The following ZDHHC21 variants were observed in gnomAD, a reference collection of about 807,000 sequenced individuals.
The protein encoded by ZDHHC21 is zDHHC palmitoyltransferase 21, also known as palmitoyltransferase ZDHHC21.
A neutral mutation model predicts 34.6 loss-of-function variants in ZDHHC21; 15 were observed. The ratio of observed to expected loss-of-function variants is 0.43; its 90% CI spans 0.29 to 0.67. The LOEUF (loss-of-function observed/expected upper bound fraction) is 0.67. Ranked by LOEUF, ZDHHC21 falls within the 30% of genes least tolerant of loss-of-function variation. The pLI is 0.14. For synonymous variants in ZDHHC21, 142 were observed against 101.8 expected, an observed-to-expected ratio of 1.40 and a Z score of -2.38; for missense variants, 344 against 327.7, an observed-to-expected ratio of 1.05 and a Z score of -0.38.
intron 5 of ZDHHC21, among the ~76,000 whole-genome samples, chr9:14,670,883 C>G (rs1020257065): frequency 6.6e-6 from 1 of 152,072 alleles, no homozygotes; most frequent in Non-Finnish European, 1.5e-5. Context: ...ACACACCCTA[C>G]ATATCTCTAA....
At chr9:14,664,892 T>C (rs917037781) in intron 5 of ZDHHC21, among the ~76,000 whole-genome samples, 2 of 151,112 alleles carry the variant, frequency 1.3e-5, no homozygotes, top group African/African-American at 2.4e-5. Context: ...ATCACAAAGA[T>C]GGGGAAAAAA....
chr9:14,619,020 A>C lies in ZDHHC21; in HGVS notation c.744T>G (p.Pro248=). 3.1e-6 allele frequency: 5 copies of C among 1,612,440 alleles called. No homozygotes were observed. Among genetic ancestry groups the C allele is most frequent in the Non-Finnish European group, 2.5e-6 (3 of 1,179,072 alleles). ...GTRWKILWFI[P]FRQRQPLRVP... Reference sequence around the variant, plus strand: ...CTCGCAGTGGTTGCCTCTGCCTGAAAGGAATGAACCACAGGATCTTCCAAC... The same window carrying C: ...CTCGCAGTGGTTGCCTCTGCCTGAACGGAATGAACCACAGGATCTTCCAAC... The change falls in exon 10 of 10, where the codon CCT becomes CCG. Residue 248 remains proline, a synonymous_variant. Transcript: ENST00000380916.
At chr9:14,638,151 G>C (rs1487689170) in intron 8 of ZDHHC21, among the ~76,000 whole-genome samples, 3 of 151,980 alleles carry the variant, frequency 2.0e-5, no homozygotes, top group African/African-American at 7.2e-5. Flanking sequence ...AACCAAAATA[G>C]CATAGTATCT....
At position 14,640,046 on chromosome 9, in the gene ZDHHC21, A is replaced by G. The variant is rs750533977; in HGVS notation, c.505-34T>C. On this transcript the variant is annotated intron_variant, in intron 7 of 9. Transcript: ENST00000380916. ...AAAAAGAAAGTCTTAAAAACCATTC[A>G]GAGTTGCTTACATTGCTTACAGTCG... 2.0e-5 allele frequency: 26 copies of G among 1,301,294 alleles called. No homozygotes were observed. In the East Asian group the frequency reaches 5.6e-4, roughly 28 times the overall value. 80.6% of individuals were successfully genotyped at this position (1,301,294 alleles called of 1,614,324 possible).
intron 2 of ZDHHC21, among the ~76,000 whole-genome samples, chr9:14,680,859 G>C (rs931764676): frequency 6.6e-6 from 1 of 152,118 alleles, no homozygotes; most frequent in African/African-American, 2.4e-5. Context: ...ATCTCATATG[G>C]TAAGGATACT....
chr9:14,666,477 C>T (rs1252512203), intron 5 of ZDHHC21, among the ~76,000 whole-genome samples: 1 of 99,038 alleles, frequency 1.0e-5, no homozygotes, highest in African/African-American at 3.3e-5. Flanking sequence ...AGGAATTGAA[C>T]TCAGCTCTGC....
Position 14,674,225 on chromosome 9 carries a change from T to G in ZDHHC21, c.116A>C (p.His39Pro). 6.4e-7 allele frequency: 1 copy of G among 1,568,214 alleles called. No individual in the cohort carries two copies. Among genetic ancestry groups the G allele is most frequent in the Non-Finnish European group, 8.6e-7 (1 of 1,161,142 alleles). Residue 39 changes from histidine (H) to proline (P), a missense_variant, in exon 4 of 10, where the codon CAC (histidine) becomes CCC (proline). By Grantham distance (77) the His-to-Pro change is moderately conservative (BLOSUM62 -2). Coordinates refer to ENST00000380916, the MANE Select transcript of ZDHHC21 (RefSeq NM_178566.6). ...VLIPKIVLFP[H>P]YEEGHIPGIL... ...GCCTGGAATATGTCCTTCTTCATAGTGAGGAAAGAGGACAATTTTGGGAAT... is the reference window on the plus strand; with the variant it reads ...GCCTGGAATATGTCCTTCTTCATAGGGAGGAAAGAGGACAATTTTGGGAAT...
At chr9:14,659,761 C>G (rs1023218722) in intron 6 of ZDHHC21, among the ~76,000 whole-genome samples, 1 of 152,160 alleles carries the variant, frequency 6.6e-6, no homozygotes, top group Non-Finnish European at 1.5e-5. Flanking sequence ...CAGACCTGAA[C>G]TGAAAAACCT....
intron 2 of ZDHHC21, among the ~76,000 whole-genome samples, chr9:14,682,409 T>G (rs745541413): frequency 6.6e-6 from 1 of 152,142 alleles, no homozygotes; most frequent in Non-Finnish European, 1.5e-5. Flanking sequence ...TGATGAAACA[T>G]ACTTTAAACC....
intron 7 of ZDHHC21, among the ~76,000 whole-genome samples, chr9:14,640,338 A>G (rs1041667050): frequency 6.6e-6 from 1 of 151,094 alleles, no homozygotes; most frequent in Non-Finnish European, 1.5e-5. Context: ...AAGAAAGAAA[A>G]GAAAAACCCA....
chr9:14,678,382 C>T, intron 3 of ZDHHC21, among the ~76,000 whole-genome samples: 1 of 151,818 alleles, frequency 6.6e-6, no homozygotes, highest in Non-Finnish European at 1.5e-5. Flanking sequence ...CAACACATGA[C>T]CGACAAGAGG....
chr9:14,679,592 C>G (rs950986456), intron 3 of ZDHHC21, among the ~76,000 whole-genome samples: 8 of 152,078 alleles, frequency 5.3e-5, no homozygotes, highest in Admixed American at 2.6e-4. Flanking sequence ...ATGTGTTCTT[C>G]TAAGTTTATC....
At chr9:14,640,127 T>C (rs111769263) in intron 7 of ZDHHC21, 115 bp from the exon 8 acceptor site, 7 of 546,638 alleles carry the variant, frequency 1.3e-5, no homozygotes, top group African/African-American at 3.8e-5. Context: ...TTAAAAGAAC[T>C]ACCTCTCCCT....
chr9:14,659,466 G>A (rs865874028), intron 6 of ZDHHC21, among the ~76,000 whole-genome samples: 55 of 152,200 alleles, frequency 3.6e-4, no homozygotes, highest in African/African-American at 1.2e-3. Flanking sequence ...CAATACAACA[G>A]TGAACCCTAA....
intron 6 of ZDHHC21, among the ~76,000 whole-genome samples, chr9:14,660,159 A>G (rs1479343068): frequency 1.3e-5 from 2 of 152,024 alleles, no homozygotes; most frequent in Middle Eastern, 3.2e-3. Context: ...TGAGGTTGGG[A>G]GTTTGAGACC....
Position 14,674,331 on chromosome 9 carries a change from G to A in ZDHHC21, c.10C>T (p.Arg4Trp), listed in dbSNP as rs763597625. 6.9e-6 allele frequency: 11 copies of A among 1,592,950 alleles called. No homozygotes were observed. The highest frequency in any genetic ancestry group is 3.5e-5 in the Admixed American group (2 of 56,388). The change falls in exon 4 of 10, where the codon CGG becomes TGG. Residue 4 changes from arginine to tryptophan, a missense_variant. By Grantham distance (101) the Arg-to-Trp change is moderately radical. Coordinates refer to ENST00000380916, the MANE Select transcript of ZDHHC21 (RefSeq NM_178566.6). MGLRIHFVVDPHGW... is the reference protein window; with the variant it reads MGLWIHFVVDPHGW... ...TGTGGGTCAACAACAAAGTGAATCC[G>A]GAGACCCATTTTGCAATCTTATAAC...
At position 14,611,642 on chromosome 9, in the gene ZDHHC21, T is replaced by A. The variant is rs1419299742; in HGVS notation, c.*7324A>T. On this transcript the variant is annotated 3_prime_UTR_variant, in exon 10 of 10. Coordinates refer to ENST00000380916, the MANE Select transcript of ZDHHC21 (RefSeq NM_178566.6). ...GACAGAACTTGGGGTTCACACATAATTTTAGGAGCCTCAAGAATAACATAG... is the reference window on the plus strand; with the variant it reads ...GACAGAACTTGGGGTTCACACATAAATTTAGGAGCCTCAAGAATAACATAG... The A allele has an allele frequency of 6.6e-6, 1 of 151,954 alleles. No homozygotes were observed. The highest frequency in any genetic ancestry group is 6.6e-5 in the Admixed American group (1 of 15,222). 9.4% of individuals were successfully genotyped at this position (151,954 alleles called of 1,614,324 possible). A position where few individuals can be genotyped will look rare whatever the true frequency, so the allele number is the denominator to read the frequency against.
chr9:14,664,931 T>C (rs367598902), intron 5 of ZDHHC21, among the ~76,000 whole-genome samples: 8 of 151,006 alleles, frequency 5.3e-5, no homozygotes, highest in African/African-American at 2.0e-4. Flanking sequence ...AACTCTAAAA[T>C]GCAGAGCGTC....
chr9:14,684,230 G>T (rs1393184970), intron 2 of ZDHHC21, among the ~76,000 whole-genome samples: 5 of 151,084 alleles, frequency 3.3e-5, no homozygotes, highest in Non-Finnish European at 2.9e-5. Flanking sequence ...GGAAATAAAG[G>T]GTATTCAATT....
Sources: gnomAD v4.1 joint callset for allele counts (sites outside exome capture counted in the v4.1 genomes callset) on GRCh38, gnomAD v4.1.1 for gene constraint, MANE v1.5 for transcripts, NCBI Gene and HGNC (gene_info 2026-07-23, HGNC 2026-07-21) for gene names.